OSTF1: variants seen among roughly 807,000 people sequenced by gnomAD.
OSTF1 encodes the protein osteoclast stimulating factor 1.
OSTF1 carries 27 observed loss-of-function variants against 37.2 expected under a neutral mutation model. The observed-to-expected ratio is 0.73, with a 90% CI of 0.54 to 1.00. The LOEUF (loss-of-function observed/expected upper bound fraction) is 1.00. Among genes scored for constraint, OSTF1 ranks in the 50% least tolerant of loss-of-function variants. The pLI is 0.00. For synonymous variants in OSTF1, 82 were observed against 89.2 expected, an observed-to-expected ratio of 0.92 and a Z score of 0.46; for missense variants, 232 against 253.8, an observed-to-expected ratio of 0.91 and a Z score of 0.58.
chr9:75,107,168 A>G (rs1825302994), intron 1 of OSTF1, among the ~76,000 whole-genome samples: 1 of 150,972 alleles, frequency 6.6e-6, no homozygotes, highest in Non-Finnish European at 1.5e-5. Flanking sequence ...AAGAATAAAA[A>G]ATGATGGCCT....
chr9:75,131,401 A>C (rs1233641937), intron 4 of OSTF1, among the ~76,000 whole-genome samples: 2 of 152,346 alleles, frequency 1.3e-5, no homozygotes, highest in East Asian at 3.9e-4. Flanking sequence ...TGATCTACAA[A>C]ATGTAAAAAT....
intron 1 of OSTF1, among the ~76,000 whole-genome samples, chr9:75,108,420 C>T (rs537032814): frequency 6.6e-6 from 1 of 150,876 alleles, no homozygotes; most frequent in Admixed American, 6.6e-5. Flanking sequence ...TTCAATTTTT[C>T]CCCAAGAAAA....
chr9:75,133,544 C>T, intron 6 of OSTF1, 143 bp downstream of exon 6: 1 of 584,872 alleles, frequency 1.7e-6, no homozygotes, highest in Admixed American at 3.1e-5. Flanking sequence ...ACCCTTGTTC[C>T]TGGAAGCTCT....
intron 1 of OSTF1, among the ~76,000 whole-genome samples, chr9:75,089,520 C>T (rs1824908354): frequency 1.3e-5 from 2 of 152,084 alleles, no homozygotes; most frequent in South Asian, 4.2e-4. Context: ...GTAAAAGAAA[C>T]TGACGTATTT....
chr9:75,105,429 T>C (rs1825267272), intron 1 of OSTF1, among the ~76,000 whole-genome samples: 2 of 152,256 alleles, frequency 1.3e-5, no homozygotes. Flanking sequence ...AAATGAATGC[T>C]GTGCTCCAAT....
In OSTF1 at chr9:75,147,055, T is replaced by TTC. The variant is rs1826038690; in HGVS notation, c.*314_*315insTC. On this transcript the variant is annotated 3_prime_UTR_variant, in exon 10 of 10. Transcript: ENST00000346234. ...AGGATTTTTTTTTTTTTTTTTTTTT[T>TTC]AGTTAAAATGCTTTACCTCAATGGT... The TTC allele has an allele frequency of 1.2e-5, 2 of 163,124 alleles. No homozygotes were observed. The highest frequency in any genetic ancestry group is 5.1e-5 in the African/African-American group (2 of 39,464). 10.1% of individuals were successfully genotyped at this position (163,124 alleles called of 1,614,324 possible).
intron 9 of OSTF1, among the ~76,000 whole-genome samples, chr9:75,143,439 C>G (rs75437415): frequency 0.024 from 3,586 of 152,198 alleles, 141 homozygotes; most frequent in African/African-American, 0.083. Context: ...TCACCACAAC[C>G]CAGATGAAGC....
chr9:75,130,529 G>T, intron 3 of OSTF1, 49 bp from the exon 4 acceptor site: 2 of 1,213,500 alleles, frequency 1.6e-6, no homozygotes, highest in South Asian at 1.2e-5. Context: ...AAAAGTGAAT[G>T]AATGCAGTCT....
intron 8 of OSTF1, among the ~76,000 whole-genome samples, chr9:75,139,923 ATGT>A (rs1186386139): frequency 1.3e-5 from 2 of 152,204 alleles, no homozygotes; most frequent in East Asian, 1.9e-4. Context: ...GTGAACAAAG[ATGT>A]TGTTCAAGGA....
intron 9 of OSTF1, among the ~76,000 whole-genome samples, chr9:75,143,229 A>T (rs1243876281): frequency 6.6e-6 from 1 of 152,180 alleles, no homozygotes; most frequent in Non-Finnish European, 1.5e-5. Context: ...TTTTAGAAGC[A>T]CAATGTGGAT....
intron 9 of OSTF1, among the ~76,000 whole-genome samples, chr9:75,144,820 T>G (rs1440224862): frequency 6.6e-6 from 1 of 152,222 alleles, no homozygotes; most frequent in African/African-American, 2.4e-5. Context: ...ATTTATTTAC[T>G]TATGGTTTAT....
intron 5 of OSTF1, 78 bp downstream of exon 5, chr9:75,131,901 C>A: frequency 2.0e-6 from 2 of 1,012,450 alleles, no homozygotes; most frequent in Non-Finnish European, 3.1e-6. Context: ...CAAGTGCATA[C>A]ACCCACGTAA....
chr9:75,117,122 G>A (rs1033215177), intron 1 of OSTF1, among the ~76,000 whole-genome samples: 1 of 152,164 alleles, frequency 6.6e-6, no homozygotes, highest in South Asian at 2.1e-4. Flanking sequence ...ACATAGTGAT[G>A]TTTTAATACA....
rs138612121 is a variant in OSTF1, at chr9:75,120,485, G to A, written c.81+2935G>A. On this transcript the variant is annotated intron_variant, in intron 2 of 9. Transcript: ENST00000346234. Reference sequence around the variant, plus strand: ...ATAGACCATTCTCTGCTGCCTCCTCGAATCTAGAATGGGACTTGCATTTAC... The same window carrying A: ...ATAGACCATTCTCTGCTGCCTCCTCAAATCTAGAATGGGACTTGCATTTAC... 8.1e-3 allele frequency among the ~76,000 whole-genome samples: 1,227 copies of A among 152,286 alleles called. 14 individuals are homozygous for A. The highest frequency in any genetic ancestry group is 0.061 in the South Asian group (294 of 4,828).
chr9:75,103,611 G>A (rs140159003), intron 1 of OSTF1, among the ~76,000 whole-genome samples: 19 of 152,212 alleles, frequency 1.2e-4, no homozygotes, highest in African/African-American at 4.3e-4. Flanking sequence ...TAAGGGACAC[G>A]ATAAACTCTT....
intron 2 of OSTF1, among the ~76,000 whole-genome samples, chr9:75,118,335 G>T (rs1230917516): frequency 6.6e-6 from 1 of 152,200 alleles, no homozygotes; most frequent in Non-Finnish European, 1.5e-5. Context: ...AATAGAAAAA[G>T]CAGGGAAGAC....
rs573260020 is a variant in OSTF1 at position 75,116,840 on chromosome 9, A to G, written c.35-664A>G. Among the ~76,000 whole-genome samples the G allele has an allele frequency of 1.2e-3, 185 of 152,300 alleles. 1 individual carries two copies. Among genetic ancestry groups the G allele is most frequent in the Non-Finnish European group, 2.2e-3 (149 of 68,018 alleles). ...TAGCTCCTTGCTGTTAGAAGGAAGCAAAGTCATTTTTCAGAGGTGTGTGTC... is the reference window on the plus strand; with the variant it reads ...TAGCTCCTTGCTGTTAGAAGGAAGCGAAGTCATTTTTCAGAGGTGTGTGTC... On this transcript the variant is annotated intron_variant, in intron 1 of 9. Coordinates refer to ENST00000346234, the MANE Select transcript of OSTF1 (RefSeq NM_012383.5).
chr9:75,133,222 C>T, intron 5 of OSTF1, 72 bp from the exon 6 acceptor site: 4 of 898,104 alleles, frequency 4.5e-6, no homozygotes, highest in South Asian at 1.5e-5. Flanking sequence ...TGCAGAATGA[C>T]ATTGATTTAA....
At chr9:75,123,757 G>A (rs1372770311) in intron 2 of OSTF1, among the ~76,000 whole-genome samples, 1 of 152,136 alleles carries the variant, frequency 6.6e-6, no homozygotes, top group African/African-American at 2.4e-5. Context: ...GTAGCATTCC[G>A]TGTCTGGGAG....
Sources: gnomAD v4.1 joint callset for allele counts (sites outside exome capture counted in the v4.1 genomes callset) on GRCh38, gnomAD v4.1.1 for gene constraint, MANE v1.5 for transcripts, NCBI Gene and HGNC (gene_info 2026-07-23, HGNC 2026-07-21) for gene names.